Variants in ELFN1 observed in about 807,000 individuals in gnomAD.
ELFN1 encodes the protein protein ELFN1.
A neutral mutation model predicts 7.6 loss-of-function variants in ELFN1; 6 were observed. That is an observed-to-expected ratio of 0.79 (90% CI 0.43 to 1.56). The LOEUF (loss-of-function observed/expected upper bound fraction) is 1.56, where lower values mean the gene tolerates loss of function less well. ELFN1 is among the 40% of genes most tolerant of loss of function. The probability of loss-of-function intolerance (pLI) is 0.01; values close to 1 mark genes in which losing one functional copy is unlikely to be tolerated. For missense variants in ELFN1, 1,169 were observed against 1,232.2 expected (o/e 0.95, Z 0.77); for synonymous variants, 657 against 588.1 (o/e 1.12, Z -1.70).
At chr7:1,714,218 G>A (rs1032833063) in intron 3 of ELFN1, among the ~76,000 whole-genome samples, 2 of 152,090 alleles carry the variant, frequency 1.3e-5, no homozygotes, top group Non-Finnish European at 2.9e-5. Context: ...GAAACCCATC[G>A]CCTGTCTCCA....
At chr7:1,666,254 C>T (rs1043693431), upstream of ELFN1, among the ~76,000 whole-genome samples, 1 of 151,914 alleles carries the variant, frequency 6.6e-6, no homozygotes, top group African/African-American at 2.4e-5. This position sits in a 1 kb window ranked among gnomAD's most constrained non-coding sequence, Gnocchi z 7.9. Context: ...GGTCCCCGCC[C>T]CTAGGGGAGG....
intron 2 of ELFN1, among the ~76,000 whole-genome samples, chr7:1,703,750 G>C (rs1421950566): frequency 6.6e-6 from 1 of 152,212 alleles, no homozygotes; most frequent in Non-Finnish European, 1.5e-5. Flanking sequence ...CCTACTGGCA[G>C]CCTCTGCCTG....
rs1780730467 is a variant in ELFN1, at chr7:1,744,872, C to T, written c.276C>T (p.Thr92=). Residue 92 remains threonine (T), a synonymous_variant, in exon 4 of 4, where the codon ACC becomes ACT. Coordinates refer to ENST00000424383, the MANE Select transcript of ELFN1 (RefSeq NM_001128636.4). ...RFGNLTYLNL[T]KNEIGYIEDG... ...GCAACCTCACGTACCTCAACCTCACCAAGAACGAGATCGGCTACATCGAGG... is the reference window on the plus strand; with the variant it reads ...GCAACCTCACGTACCTCAACCTCACTAAGAACGAGATCGGCTACATCGAGG... 2 of 1,571,932 alleles carry T rather than the reference C, an allele frequency of 1.3e-6. No homozygotes were observed. The highest frequency in any genetic ancestry group is 2.3e-5 in the South Asian group (2 of 85,646).
chr7:1,684,192 T>C (rs1779021659), intron 1 of ELFN1, among the ~76,000 whole-genome samples: 1 of 152,240 alleles, frequency 6.6e-6, no homozygotes, highest in African/African-American at 2.4e-5. Context: ...TTATGGCTAA[T>C]ATTTGCATGT....
chr7:1,694,019 A>T (rs1779242998), intron 2 of ELFN1: 1 of 357,534 alleles, frequency 2.8e-6, no homozygotes. Context: ...CGACGCTTAG[A>T]GCTGAACAGC....
chr7:1,669,429 T>C (rs1452826771), upstream of ELFN1, among the ~76,000 whole-genome samples: 1 of 151,966 alleles, frequency 6.6e-6, no homozygotes, highest in Non-Finnish European at 1.5e-5. Flanking sequence ...AACGCGGGCT[T>C]GTCCAGGCAC....
At position 1,705,474 on chromosome 7, in the gene ELFN1, G is replaced by A. The variant is rs1779512479; in HGVS notation, c.-455-3617G>A. On this transcript the variant is annotated intron_variant, in intron 2 of 3. Coordinates refer to ENST00000424383, the MANE Select transcript of ELFN1 (RefSeq NM_001128636.4). The surrounding 1 kb of genome is among the most constrained non-coding windows in gnomAD (Gnocchi z 4.3). ...GCTCCCCCCAACCGCCAGGGTGCCA[G>A]GGGAGTGAGTCCAGCGTGGCAGCCG... is the stretch of plus-strand genomic sequence containing the variant. Among the ~76,000 whole-genome samples, 1 of 152,224 alleles carries A rather than the reference G, an allele frequency of 6.6e-6. No individual in the cohort carries two copies. The highest frequency in any genetic ancestry group is 6.5e-5 in the Admixed American group (1 of 15,292).
At position 1,746,606 on chromosome 7, in the gene ELFN1, C is replaced by G. The variant is rs777797921; in HGVS notation, c.2010C>G (p.Ile670Met). The change falls in exon 4 of 4, where the codon ATC becomes ATG. Residue 670 changes from isoleucine to methionine, a missense_variant. Transcript: ENST00000424383. Reference sequence around the variant, plus strand: ...CCGCGGCCGCCGAGGCCAAGTACATCGAGAAGGGCTCCCCCGCGGCCGACG... The same window carrying G: ...CCGCGGCCGCCGAGGCCAAGTACATGGAGAAGGGCTCCCCCGCGGCCGACG... ...HKAAAAEAKY[I>M]EKGSPAADAI... The G allele has an allele frequency of 3.0e-6, 4 of 1,349,044 alleles. No homozygotes were observed. The highest frequency in any genetic ancestry group is 4.0e-5 in the Admixed American group (1 of 24,972). 83.6% of individuals were successfully genotyped at this position (1,349,044 alleles called of 1,614,324 possible). A position where few individuals can be genotyped will look rare whatever the true frequency, so the allele number is the denominator to read the frequency against.
At chr7:1,693,789 G>A (rs745762854) in intron 2 of ELFN1, 2 of 470,716 alleles carry the variant, frequency 4.2e-6, no homozygotes, top group South Asian at 3.1e-5. Context: ...GACAGACACG[G>A]GGTGCGGGAC....
rs533284431 is a variant in ELFN1 at position 1,673,280 on chromosome 7, G to A, written c.-549+2926G>A. On this transcript the variant is annotated intron_variant, in intron 1 of 3. Coordinates refer to ENST00000424383, the MANE Select transcript of ELFN1 (RefSeq NM_001128636.4). This position sits in a 1 kb window ranked among gnomAD's most constrained non-coding sequence, Gnocchi z 4.7. ...CTGAGGCCCGGATTGGGGTGGGGCC[G>A]GAGAGGGTGGTGGAGGGGTCCTATG... is the stretch of plus-strand genomic sequence containing the variant. 6.6e-6 allele frequency among the ~76,000 whole-genome samples: 1 copy of A among 152,282 alleles called. No individual in the cohort carries two copies. The highest frequency in any genetic ancestry group is 2.4e-5 in the African/African-American group (1 of 41,558).
intron 3 of ELFN1, among the ~76,000 whole-genome samples, chr7:1,720,047 G>A (rs998364759): frequency 1.3e-5 from 2 of 151,764 alleles, no homozygotes; most frequent in African/African-American, 2.4e-5. Flanking sequence ...CCGGCATTCC[G>A]TGTCCTGGGT....
chr7:1,675,596 A>T (rs1047168253), intron 1 of ELFN1, among the ~76,000 whole-genome samples: 2 of 152,200 alleles, frequency 1.3e-5, no homozygotes, highest in African/African-American at 4.8e-5. Context: ...CCCCACATGG[A>T]TGAGAATCCC....
intron 3 of ELFN1, among the ~76,000 whole-genome samples, chr7:1,710,953 C>T (rs1450279872): frequency 6.6e-6 from 1 of 152,238 alleles, no homozygotes; most frequent in African/African-American, 2.4e-5. Context: ...AAAATCTTCA[C>T]AAAGTGAGGG....
upstream of ELFN1, among the ~76,000 whole-genome samples, chr7:1,669,366 C>T (rs1252316689): frequency 1.3e-5 from 2 of 151,922 alleles, no homozygotes; most frequent in Non-Finnish European, 2.9e-5. Context: ...CCGGCGGGGA[C>T]GCGCGGGCTG....
chr7:1,672,062 G>A (rs947588783), intron 1 of ELFN1, among the ~76,000 whole-genome samples: 1 of 152,154 alleles, frequency 6.6e-6, no homozygotes, highest in Non-Finnish European at 1.5e-5. Flanking sequence ...CCTCCTCCTC[G>A]GCCGCAGCAG....
chr7:1,742,679 C>T (rs567994739), intron 3 of ELFN1, among the ~76,000 whole-genome samples: 15 of 152,342 alleles, frequency 9.8e-5, no homozygotes, highest in African/African-American at 3.1e-4. Flanking sequence ...CGTCCCCTGG[C>T]CACTCCAGGC....
chr7:1,746,460 C>T lies in ELFN1; in HGVS notation c.1864C>T (p.His622Tyr), dbSNP rs774067038. The T allele has an allele frequency of 1.4e-5, 22 of 1,525,538 alleles. No homozygotes were observed. The highest frequency in any genetic ancestry group is 8.8e-7 in the Non-Finnish European group (1 of 1,141,086). 94.5% of individuals were successfully genotyped at this position (1,525,538 alleles called of 1,614,324 possible). Residue 622 changes from histidine (H) to tyrosine (Y), a missense_variant, in exon 4 of 4, where the codon CAC (histidine) becomes TAC (tyrosine). His to Tyr is a moderately conservative substitution (Grantham distance 83). Around this residue, in one of 2 missense-constraint regions of ELFN1, gnomAD observed 914 missense variants for 872.6 expected, o/e 1.05. Transcript: ENST00000424383. ...GCCCGGGTACAAGGACGCCTTCGGCCACAGCCTGCAGCGGCACCACAGCGT... is the reference window on the plus strand; with the variant it reads ...GCCCGGGTACAAGGACGCCTTCGGCTACAGCCTGCAGCGGCACCACAGCGT... The part of the protein sequence containing the change: ...LAPGYKDAFG[H>Y]SLQRHHSVEA...
At chr7:1,672,762 A>G (rs1404850501) in intron 1 of ELFN1, among the ~76,000 whole-genome samples, 1 of 151,536 alleles carries the variant, frequency 6.6e-6, no homozygotes, top group African/African-American at 2.4e-5. Context: ...CCATTTTGGT[A>G]GGGGACTGTG....
chr7:1,728,616 G>T (rs1171730691), intron 3 of ELFN1, among the ~76,000 whole-genome samples: 1 of 152,172 alleles, frequency 6.6e-6, no homozygotes, highest in East Asian at 1.9e-4. Flanking sequence ...AAATCCCACC[G>T]ATGGCTTTTG....
Sources: allele counts gnomAD v4.1 joint callset (sites outside exome capture counted in the v4.1 genomes callset), GRCh38; gene constraint gnomAD v4.1.1; regional missense constraint gnomAD v4.1.1; non-coding constraint Gnocchi (gnomAD v3.1); transcripts MANE v1.5; gene names NCBI Gene and HGNC (gene_info 2026-07-23, HGNC 2026-07-21).